Variants in ZC3H12B observed in about 807,000 individuals in gnomAD.
ZC3H12B encodes the protein probable ribonuclease ZC3H12B.
In ZC3H12B, 7 loss-of-function variants were observed where a neutral mutation model predicts 43.9. The ratio of observed to expected loss-of-function variants is 0.16; its 90% CI spans 0.09 to 0.30. The LOEUF (loss-of-function observed/expected upper bound fraction) is 0.30, where lower values mean the gene tolerates loss of function less well. Among genes scored for constraint, ZC3H12B ranks in the 10% least tolerant of loss-of-function variants. The pLI is 1.00. For synonymous variants in ZC3H12B, 222 were observed against 241.7 expected (o/e 0.92, Z 0.76); for missense variants, 475 against 670.2 (o/e 0.71, Z 3.22).
the ZC3H12B span, among the ~76,000 whole-genome samples, chrX:65,289,112 AT>A: frequency 9.0e-6 from 1 of 111,507 alleles, no homozygotes; most frequent in South Asian, 3.7e-4. Flanking sequence ...AAATGAAAAA[AT>A]ATCCCATGTT....
chrX:65,122,093 T>C, the ZC3H12B span, among the ~76,000 whole-genome samples: 13 of 111,224 alleles, frequency 1.2e-4, no homozygotes, highest in Admixed American at 1.9e-4. Flanking sequence ...GGAATAAGTG[T>C]GGTGTGGTGC....
At chrX:65,120,092 C>T in the ZC3H12B span, among the ~76,000 whole-genome samples, 22 of 111,906 alleles carry the variant, frequency 2.0e-4, no homozygotes, top group Admixed American at 1.9e-3. Context: ...ATGCCTCTAG[C>T]TTTGTTCTTT....
intron 3 of ZC3H12B, among the ~76,000 whole-genome samples, chrX:65,405,694 T>A (rs1419572589): frequency 2.7e-5 from 3 of 110,582 alleles, no homozygotes; most frequent in Non-Finnish European, 5.7e-5. Flanking sequence ...ATACAAAAGA[T>A]CAATGAAACA....
chrX:65,231,337 C>G, the ZC3H12B span, among the ~76,000 whole-genome samples: 1 of 111,151 alleles, frequency 9.0e-6, no homozygotes, highest in Admixed American at 9.6e-5. Context: ...GTCCATGTCT[C>G]ACTGGGCATG....
At chrX:65,092,961 C>T in the ZC3H12B span, among the ~76,000 whole-genome samples, 1 of 111,631 alleles carries the variant, frequency 9.0e-6, no homozygotes, top group East Asian at 2.8e-4. Flanking sequence ...CCTTCATAGG[C>T]CCAGAGACCT....
At chrX:65,442,632 G>A (rs1411633829) in intron 3 of ZC3H12B, among the ~76,000 whole-genome samples, 1 of 112,065 alleles carries the variant, frequency 8.9e-6, no homozygotes, top group African/African-American at 3.2e-5. Flanking sequence ...TGTAAGAACT[G>A]AGCAGGAGTT....
the ZC3H12B span, among the ~76,000 whole-genome samples, chrX:65,224,091 T>C: frequency 8.9e-6 from 1 of 112,626 alleles, no homozygotes; most frequent in Non-Finnish European, 1.9e-5. Context: ...GAAACTGTGG[T>C]ATTTATATAC....
chrX:65,086,154 G>A, the ZC3H12B span, among the ~76,000 whole-genome samples: 1 of 101,044 alleles, frequency 9.9e-6, no homozygotes, highest in South Asian at 4.5e-4. Flanking sequence ...CTCTTTCTTT[G>A]CCTTCTATGA....
At chrX:65,067,890 T>C in the ZC3H12B span, among the ~76,000 whole-genome samples, 50 of 111,287 alleles carry the variant, frequency 4.5e-4, no homozygotes, top group African/African-American at 1.5e-3. Flanking sequence ...ACTTCCCTCT[T>C]GGTATTGCTT....
At chrX:65,190,923 T>C in the ZC3H12B span, among the ~76,000 whole-genome samples, 3 of 103,247 alleles carry the variant, frequency 2.9e-5, no homozygotes, top group Non-Finnish European at 1.9e-5. Flanking sequence ...CAGTATGATA[T>C]TGGCTGTGGG....
At chrX:65,255,855 A>C in the ZC3H12B span, among the ~76,000 whole-genome samples, 1 of 112,507 alleles carries the variant, frequency 8.9e-6, no homozygotes. Flanking sequence ...CTATGAAATG[A>C]ATGGAAAACA....
At chrX:65,172,453 T>G in the ZC3H12B span, among the ~76,000 whole-genome samples, 8 of 112,417 alleles carry the variant, frequency 7.1e-5, no homozygotes, top group East Asian at 1.9e-3. Flanking sequence ...TTTGTCAATT[T>G]TGGCATTTGT....
chrX:65,250,305 A>G, the ZC3H12B span, among the ~76,000 whole-genome samples: 4 of 111,942 alleles, frequency 3.6e-5, no homozygotes, highest in Admixed American at 1.9e-4. Flanking sequence ...CATTGTGTAT[A>G]TGTGCCACAT....
the ZC3H12B span, among the ~76,000 whole-genome samples, chrX:65,182,518 C>T: frequency 3.9e-4 from 43 of 110,836 alleles, no homozygotes; most frequent in African/African-American, 1.3e-3. Flanking sequence ...TAGGCCATGG[C>T]AAAGATTTCA....
intron 3 of ZC3H12B, among the ~76,000 whole-genome samples, chrX:65,454,857 C>A (rs1231020437): frequency 8.9e-6 from 1 of 111,915 alleles, no homozygotes; most frequent in Non-Finnish European, 1.9e-5. Context: ...TGCTGATACC[C>A]AGGCAAACAG....
At chrX:65,336,486 A>C in the ZC3H12B span, among the ~76,000 whole-genome samples, 2 of 112,632 alleles carry the variant, frequency 1.8e-5, no homozygotes, top group Middle Eastern at 9.1e-3. Context: ...GGCAAAACAG[A>C]TATTAGCCAC....
intron 3 of ZC3H12B, among the ~76,000 whole-genome samples, chrX:65,452,578 C>A (rs1026889504): frequency 9.0e-6 from 1 of 111,731 alleles, no homozygotes; most frequent in Non-Finnish European, 1.9e-5. Flanking sequence ...TGGTGGCTCA[C>A]GCCTGTAATC....
intron 3 of ZC3H12B, among the ~76,000 whole-genome samples, chrX:65,414,705 C>G (rs926837010): frequency 9.0e-6 from 1 of 111,056 alleles, no homozygotes; most frequent in Non-Finnish European, 1.9e-5. Flanking sequence ...GTCTATGTAT[C>G]CAGATTCTCT....
chrX:65,218,927 A>C, the ZC3H12B span, among the ~76,000 whole-genome samples: 1 of 111,929 alleles, frequency 8.9e-6, no homozygotes, highest in Admixed American at 9.5e-5. Context: ...ACTTCACTCC[A>C]TTGCTACCTC....
Sources: allele counts gnomAD v4.1 joint callset (sites outside exome capture counted in the v4.1 genomes callset), GRCh38; gene constraint gnomAD v4.1.1; transcripts MANE v1.5; gene names NCBI Gene and HGNC (gene_info 2026-07-23, HGNC 2026-07-21).